The following SYNE2 variants were observed in gnomAD, a reference collection of about 807,000 sequenced individuals.
SYNE2 encodes spectrin repeat containing nuclear envelope protein 2.
Under a neutral mutation model 856.3 loss-of-function variants are expected in SYNE2, and 431 were observed. The ratio of observed to expected loss-of-function variants is 0.50; its 90% CI spans 0.47 to 0.55. SYNE2 has a LOEUF of 0.55. Ranked by LOEUF, SYNE2 falls within the 20% of genes least tolerant of loss-of-function variation. The pLI is 0.00. For missense variants in SYNE2, 8,129 were observed against 8,023.2 expected (o/e 1.01, Z -0.50); for synonymous variants, 2,923 against 2,872.3 (o/e 1.02, Z -0.56).
intron 11 of SYNE2, among the ~76,000 whole-genome samples, chr14:63,970,651 CTTTTTTTT>C (rs61126600): frequency 1.6e-4 from 16 of 98,892 alleles, no homozygotes; most frequent in Non-Finnish European, 2.9e-4. Flanking sequence ...TTTCTTTTTT[CTTTTTTTT>C]TTTTTTTTTT....
At chr14:63,773,366 A>AT (rs1262196307) in intron 1 of SYNE2, among the ~76,000 whole-genome samples, 1 of 151,460 alleles carries the variant, frequency 6.6e-6, no homozygotes, top group Non-Finnish European at 1.5e-5. Context: ...TGCCCTGAGA[A>AT]TTTTTGTATA....
chr14:64,214,251 G>A lies in SYNE2; in HGVS notation c.19114G>A (p.Glu6372Lys). ...ENETDMEDPR[E>K]IQTDSWRKRG... ...TGAAACAGACATGGAAGACCCCAGA[G>A]AAATCCAGACTGATTCTTGGCGTAA... The change falls in exon 106 of 116, where the codon GAA becomes AAA. Residue 6372 changes from glutamate (E) to lysine (K), a missense_variant. Transcript: ENST00000555002. 1 of 1,614,166 alleles carries A rather than the reference G, an allele frequency of 6.2e-7. No homozygotes were observed.
intron 1 of SYNE2, among the ~76,000 whole-genome samples, chr14:63,884,939 C>T (rs369276187): frequency 4.6e-5 from 7 of 152,080 alleles, no homozygotes; most frequent in East Asian, 3.9e-4. Context: ...CGCACCCGGC[C>T]GCCTTTGAAA....
chr14:63,823,240 G>A (rs906830617), intron 1 of SYNE2, among the ~76,000 whole-genome samples: 19 of 151,442 alleles, frequency 1.3e-4, no homozygotes, highest in South Asian at 2.1e-4. Context: ...GTGCAGTGGC[G>A]CAATCTCGGC....
chr14:63,951,149 TC>T (rs755367613), intron 7 of SYNE2, among the ~76,000 whole-genome samples: 5 of 152,142 alleles, frequency 3.3e-5, no homozygotes, highest in Non-Finnish European at 7.4e-5. Context: ...AGAACAGCTG[TC>T]GAGTTCAAAA....
intron 98 of SYNE2, among the ~76,000 whole-genome samples, chr14:64,189,250 C>G (rs1363189744): frequency 6.6e-6 from 1 of 151,878 alleles, no homozygotes; most frequent in Non-Finnish European, 1.5e-5. Flanking sequence ...AGGAGGATTG[C>G]TTGAACCTGG....
intron 1 of SYNE2, among the ~76,000 whole-genome samples, chr14:63,827,637 A>AC (rs1889492116): frequency 7.6e-6 from 1 of 131,402 alleles, no homozygotes; most frequent in Admixed American, 8.4e-5. Context: ...AAAAAAAAAA[A>AC]AAAAAAAAAA....
chr14:63,948,710 A>G (rs1649445022), intron 6 of SYNE2, among the ~76,000 whole-genome samples: 1 of 85,176 alleles, frequency 1.2e-5, no homozygotes, highest in Non-Finnish European at 2.6e-5. Context: ...ATATATGTAT[A>G]TATATATGTG....
chr14:63,804,842 AAAGT>A (rs1888299117), intron 1 of SYNE2, among the ~76,000 whole-genome samples: 1 of 152,138 alleles, frequency 6.6e-6, no homozygotes, highest in South Asian at 2.1e-4. Context: ...GGTTGGTGCA[AAAGT>A]AACTGTGGTT....
rs2096203927 is a variant in SYNE2 at position 63,953,856 on chromosome 14, C to T, written c.591-863C>T. 2.6e-5 allele frequency among the ~76,000 whole-genome samples: 4 copies of T among 152,204 alleles called. No individual in the cohort carries two copies. In the South Asian group the frequency reaches 8.3e-4, roughly 32 times the overall value. ...TCATGTGGTATTTGTCCTTTTGTGACTGGCTTATTTCACTTGGCATGGTTT... is the reference window on the plus strand; with the variant it reads ...TCATGTGGTATTTGTCCTTTTGTGATTGGCTTATTTCACTTGGCATGGTTT... On this transcript the variant is annotated intron_variant, in intron 7 of 115. Coordinates refer to ENST00000555002, the MANE Select transcript of SYNE2 (RefSeq NM_182914.3).
intron 90 of SYNE2, among the ~76,000 whole-genome samples, chr14:64,166,376 C>T (rs1231941438): frequency 6.6e-6 from 1 of 152,216 alleles, no homozygotes; most frequent in African/African-American, 2.4e-5. Flanking sequence ...TAGAATATTA[C>T]AGCAGAGTTC....
At chr14:64,070,454 A>G (rs542356148) in intron 51 of SYNE2, among the ~76,000 whole-genome samples, 191 bp from the exon 52 acceptor site, 3 of 152,240 alleles carry the variant, frequency 2.0e-5, no homozygotes, top group Non-Finnish European at 2.9e-5. Context: ...TCACACATCT[A>G]CATGAGCAAT....
intron 6 of SYNE2, among the ~76,000 whole-genome samples, chr14:63,943,396 A>G (rs576822365): frequency 6.6e-6 from 1 of 152,312 alleles, no homozygotes; most frequent in Admixed American, 6.5e-5. Flanking sequence ...GTATCTCCAT[A>G]ATTATTTTAA....
intron 45 of SYNE2, among the ~76,000 whole-genome samples, chr14:64,033,767 G>T (rs1262192664): frequency 6.6e-6 from 1 of 152,152 alleles, no homozygotes; most frequent in Non-Finnish European, 1.5e-5. Flanking sequence ...GATAGTTTAT[G>T]ATACAAATTT....
At chr14:64,136,774 T>G (rs2098094682) in intron 78 of SYNE2, among the ~76,000 whole-genome samples, 1 of 152,228 alleles carries the variant, frequency 6.6e-6, no homozygotes, top group Non-Finnish European at 1.5e-5. Flanking sequence ...CTGCCTAGTA[T>G]TCGCATCTCA....
intron 1 of SYNE2, 133 bp from the exon 2 acceptor site, chr14:63,908,965 A>G (rs2095440590): frequency 8.2e-6 from 5 of 607,904 alleles, no homozygotes; most frequent in Middle Eastern, 4.4e-4. Flanking sequence ...TTCATGAACC[A>G]TGGAAGCACA....
At chr14:63,972,478 T>A (rs1230626180) in intron 11 of SYNE2, among the ~76,000 whole-genome samples, 1 of 152,218 alleles carries the variant, frequency 6.6e-6, no homozygotes, top group South Asian at 2.1e-4. Flanking sequence ...TTAAAGTCAT[T>A]GAGGACATAA....
intron 20 of SYNE2, 140 bp downstream of exon 20, chr14:63,990,709 T>G: frequency 1.2e-6 from 1 of 861,868 alleles, no homozygotes; most frequent in Non-Finnish European, 1.8e-6. Context: ...TTTTATTTCT[T>G]TATAATTTAA....
Position 63,975,100 on chromosome 14 carries a change from G to A in SYNE2, c.1129-1463G>A, listed in dbSNP as rs74427713. Among the ~76,000 whole-genome samples, 745 of 150,812 alleles carry A rather than the reference G, an allele frequency of 4.9e-3. 2 individuals carry two copies. Among genetic ancestry groups the A allele is most frequent in the Admixed American group, 8.8e-3 (132 of 15,058 alleles). On this transcript the variant is annotated intron_variant, in intron 11 of 115. Transcript: ENST00000555002. ...AAGAGCTGTGGCTTTTATTTATCTG[G>A]TTTACACTCTGACATAGGGGGTTGT...
Sources: allele counts gnomAD v4.1 joint callset (sites outside exome capture counted in the v4.1 genomes callset), GRCh38; gene constraint gnomAD v4.1.1; transcripts MANE v1.5; gene names NCBI Gene and HGNC (gene_info 2026-07-23, HGNC 2026-07-21).